Variants in ABHD5 observed in about 807,000 individuals in gnomAD.
ABHD5 encodes 1-acylglycerol-3-phosphate O-acyltransferase ABHD5.
Under a neutral mutation model 44.9 loss-of-function variants are expected in ABHD5, and 30 were observed. That is an observed-to-expected ratio of 0.67 (90% CI 0.50 to 0.91). The LOEUF is 0.91. ABHD5 is among the 40% of genes least tolerant of loss of function. The pLI, the probability that ABHD5 is intolerant of heterozygous loss-of-function variation, is 0.00. For missense variants in ABHD5, 399 were observed against 423.4 expected, an observed-to-expected ratio of 0.94 and a Z score of 0.50; for synonymous variants, 167 against 147.0, an observed-to-expected ratio of 1.14 and a Z score of -0.99.
At position 43,719,348 on chromosome 3, in the gene ABHD5, C is replaced by A. The variant is rs1420346284; in HGVS notation, c.*816C>A. On this transcript the variant is annotated 3_prime_UTR_variant, in exon 7 of 7. Transcript: ENST00000644371. The stretch of plus-strand genomic sequence containing the variant: ...CTTTCATACTATTCTTTTCCATGAC[C>A]CAGGATGCAGCAAATGAAACAGATT... The A allele has an allele frequency of 6.6e-6, 1 of 152,112 alleles. No homozygotes were observed. The highest frequency in any genetic ancestry group is 1.5e-5 in the Non-Finnish European group (1 of 68,014). The allele number at this position is 152,112 out of a possible 1,614,324, so 9.4% of individuals were successfully genotyped here.
At chr3:43,727,942 A>G (rs547727896) in intron 7 of ABHD5, among the ~76,000 whole-genome samples, 1 of 152,086 alleles carries the variant, frequency 6.6e-6, no homozygotes, top group African/African-American at 2.4e-5. Context: ...TGAGGCCCCA[A>G]ATGTAGCTGG....
chr3:43,712,526 T>C (rs1436390175), intron 4 of ABHD5, among the ~76,000 whole-genome samples: 1 of 152,226 alleles, frequency 6.6e-6, no homozygotes, highest in African/African-American at 2.4e-5. Flanking sequence ...TTGTCACAGA[T>C]AATGATGTTC....
At chr3:43,730,615 C>T (rs1243907057) in intron 7 of ABHD5, among the ~76,000 whole-genome samples, 1 of 144,812 alleles carries the variant, frequency 6.9e-6, no homozygotes, top group East Asian at 2.1e-4. Flanking sequence ...ATCATGCAGT[C>T]TTCCCTCAGC....
At chr3:43,715,815 A>G (rs1403516325) in intron 5 of ABHD5, among the ~76,000 whole-genome samples, 22 of 152,210 alleles carry the variant, frequency 1.4e-4, no homozygotes. Context: ...TGTCTATACT[A>G]TGAATCCTCT....
intron 1 of ABHD5, among the ~76,000 whole-genome samples, chr3:43,698,599 G>C (rs1406463078): frequency 2.0e-5 from 3 of 152,164 alleles, no homozygotes; most frequent in Non-Finnish European, 4.4e-5. Flanking sequence ...AGCTGCCTCA[G>C]ATCTGCTTCC....
downstream of ABHD5, among the ~76,000 whole-genome samples, chr3:43,726,106 C>T (rs1225180009): frequency 6.6e-6 from 1 of 152,086 alleles, no homozygotes; most frequent in Non-Finnish European, 1.5e-5. Context: ...CCTCGTGATC[C>T]GGCCACCTTG....
At chr3:43,705,364 G>A (rs2084603565) in intron 3 of ABHD5, among the ~76,000 whole-genome samples, 1 of 152,056 alleles carries the variant, frequency 6.6e-6, no homozygotes, top group African/African-American at 2.4e-5. Flanking sequence ...AGTTAGTATA[G>A]CATAAAAACA....
At chr3:43,712,043 C>T (rs1186007515) in intron 4 of ABHD5, among the ~76,000 whole-genome samples, 180 bp downstream of exon 4, 1 of 152,168 alleles carries the variant, frequency 6.6e-6, no homozygotes, top group Non-Finnish European at 1.5e-5. Context: ...TTCTTCTCCT[C>T]AAAGGAGAGT....
chr3:43,730,539 CCT>C (rs1377037449), intron 7 of ABHD5, among the ~76,000 whole-genome samples: 1 of 130,776 alleles, frequency 7.6e-6, no homozygotes, highest in African/African-American at 3.0e-5. Flanking sequence ...GGGATCTTCC[CCT>C]GTCTCCGAGG....
intron 4 of ABHD5, 99 bp downstream of exon 4, chr3:43,711,962 C>G (rs532789192): frequency 1.3e-6 from 2 of 1,520,752 alleles, no homozygotes; most frequent in East Asian, 2.3e-5. Context: ...ACAAGAAAAC[C>G]CTGAACCCTT....
intron 5 of ABHD5, 27 bp downstream of exon 5, chr3:43,715,085 CTGTGTGTGTGTGTGTGTGTGTG>C: frequency 1.2e-6 from 1 of 845,586 alleles, no homozygotes. Context: ...TCAATTCACT[CTGTGTGTGTGTGTGTGTGTGTG>C]TGTGTGTGTG....
rs898365392 is a variant in ABHD5 at position 43,690,988 on chromosome 3, C to T, written c.-5C>T. On this transcript the variant is annotated 5_prime_UTR_variant, in exon 1 of 7. Coordinates refer to ENST00000644371, the MANE Select transcript of ABHD5 (RefSeq NM_016006.6). The stretch of plus-strand genomic sequence containing the variant: ...ATAAGTCCCGGCGCTTGCGCGGCGG[C>T]GGCTATGGCGGCGGAGGAGGAGGAG... 2.5e-6 allele frequency: 4 copies of T among 1,571,874 alleles called. No homozygotes were observed. The highest frequency in any genetic ancestry group is 1.1e-5 in the South Asian group (1 of 87,096).
intron 3 of ABHD5, among the ~76,000 whole-genome samples, chr3:43,711,031 A>T (rs1057160117): frequency 1.3e-5 from 2 of 152,220 alleles, no homozygotes; most frequent in African/African-American, 4.8e-5. Context: ...GAAAAAGAAA[A>T]TTGGGAAAGA....
Position 43,702,339 on chromosome 3 carries a change from A to C in ABHD5, c.258A>C (p.Gly86=), listed in dbSNP as rs537368660. ...TTGTCCTTCTCCATGGTTTTGGAGGAGGTCTTGGGCTCTGGGCACTGAATT... is the reference window on the plus strand; with the variant it reads ...TTGTCCTTCTCCATGGTTTTGGAGGCGGTCTTGGGCTCTGGGCACTGAATT... ...TPLVLLHGFG[G]GLGLWALNFG... is the part of the protein sequence containing the mutation. The change falls in exon 3 of 7, where the codon GGA becomes GGC. Residue 86 remains glycine, a synonymous_variant. Coordinates refer to ENST00000644371, the MANE Select transcript of ABHD5 (RefSeq NM_016006.6). The C allele has an allele frequency of 3.5e-5, 56 of 1,613,114 alleles. No individual in the cohort carries two copies. In the South Asian group the frequency reaches 5.9e-4, roughly 17 times the overall value.
At chr3:43,701,015 T>G (rs2084535892) in intron 2 of ABHD5, among the ~76,000 whole-genome samples, 1 of 152,208 alleles carries the variant, frequency 6.6e-6, no homozygotes, top group Non-Finnish European at 1.5e-5. Flanking sequence ...GGGTGCTAGA[T>G]TCTCAATTCA....
intron 4 of ABHD5, 125 bp downstream of exon 4, chr3:43,711,988 C>T: frequency 8.0e-7 from 1 of 1,249,032 alleles, no homozygotes; most frequent in Non-Finnish European, 1.2e-6. Context: ...TTCTCCTCTT[C>T]CTCTAATAAG....
intron 3 of ABHD5, among the ~76,000 whole-genome samples, chr3:43,710,245 C>G (rs574149877): frequency 6.6e-6 from 1 of 152,242 alleles, no homozygotes; most frequent in Non-Finnish European, 1.5e-5. Context: ...TCATACATCT[C>G]TATGGTTATA....
chr3:43,690,964 T>C lies in ABHD5; in HGVS notation c.-29T>C, dbSNP rs1489849731. 26 of 1,558,434 alleles carry C rather than the reference T, an allele frequency of 1.7e-5. No individual in the cohort carries two copies. Among genetic ancestry groups the C allele is most frequent in the Non-Finnish European group, 2.2e-5 (26 of 1,156,624 alleles). ...GTCGGCCTGTCAGCCGGCTTCGAGA[T>C]AAGTCCCGGCGCTTGCGCGGCGGCG... On this transcript the variant is annotated 5_prime_UTR_variant, in exon 1 of 7. Coordinates refer to ENST00000644371, the MANE Select transcript of ABHD5 (RefSeq NM_016006.6).
At chr3:43,702,934 T>C (rs944733628) in intron 3 of ABHD5, among the ~76,000 whole-genome samples, 11 of 152,212 alleles carry the variant, frequency 7.2e-5, no homozygotes, top group Non-Finnish European at 1.6e-4. Context: ...GTTTTCTAAG[T>C]TATAGTAAGC....
Sources: gnomAD v4.1 joint callset for allele counts (sites outside exome capture counted in the v4.1 genomes callset) on GRCh38, gnomAD v4.1.1 for gene constraint, MANE v1.5 for transcripts, NCBI Gene and HGNC (gene_info 2026-07-23, HGNC 2026-07-21) for gene names.